Variants in PURG observed in about 807,000 individuals in gnomAD.
PURG encodes the protein purine rich element binding protein G.
A neutral mutation model predicts 24.3 loss-of-function variants in PURG; 3 were observed. That is an observed-to-expected ratio of 0.12 (90% CI 0.06 to 0.32). The LOEUF (loss-of-function observed/expected upper bound fraction) is 0.32, where lower values mean the gene tolerates loss of function less well. PURG is among the 10% of genes least tolerant of loss of function. PURG has a pLI of 1.00. For synonymous variants in PURG, 180 were observed against 173.1 expected (o/e 1.04, Z -0.31); for missense variants, 371 against 439.1 (o/e 0.84, Z 1.39).
chr8:31,001,462 G>C (rs1430586539), intron 1 of PURG, among the ~76,000 whole-genome samples: 1 of 152,182 alleles, frequency 6.6e-6, no homozygotes, highest in Non-Finnish European at 1.5e-5. Context: ...CAGGTGCACA[G>C]GTTTATAATG....
At chr8:31,002,304 C>G (rs187888269) in intron 1 of PURG, among the ~76,000 whole-genome samples, 1 of 152,074 alleles carries the variant, frequency 6.6e-6, no homozygotes, top group Non-Finnish European at 1.5e-5. Context: ...GTTATGCTAA[C>G]TGGTTCTTCC....
chr8:31,003,578 A>G (rs938054276), intron 1 of PURG, among the ~76,000 whole-genome samples: 1 of 152,118 alleles, frequency 6.6e-6, no homozygotes. Flanking sequence ...CCTGGCCAAC[A>G]TGGCAAAACC....
At position 31,032,043 on chromosome 8, in the gene PURG, T is replaced by A. The variant is rs113193871; in HGVS notation, c.740A>T (p.Asp247Val). The change falls in exon 2 of 2, where the codon GAC becomes GTC. Residue 247 changes from aspartate to valine, a missense_variant. Asp to Val is a radical substitution (Grantham distance 152, BLOSUM62 -3). This residue lies in a region of PURG where 103 missense variants were observed against 127.7 expected (regional missense o/e 0.81). Transcript: ENST00000523392. The surrounding 1 kb of genome is among the most constrained non-coding windows in gnomAD (Gnocchi z 5.9). ...VQLIEDYGEG[D>V]IEERRGGDDD... Reference sequence around the variant, plus strand: ...GTCTCCACCTCTTCGTTCTTCTATGTCTCCTTCGCCATAGTCTTCAATCAG... The same window carrying A: ...GTCTCCACCTCTTCGTTCTTCTATGACTCCTTCGCCATAGTCTTCAATCAG... 6.2e-7 allele frequency: 1 copy of A among 1,614,142 alleles called. No individual in the cohort carries two copies. The highest frequency in any genetic ancestry group is 1.3e-5 in the African/African-American group (1 of 75,020).
chr8:31,017,428 A>G (rs868549048), intron 1 of PURG, among the ~76,000 whole-genome samples: 3 of 139,630 alleles, frequency 2.1e-5, no homozygotes, highest in South Asian at 2.3e-4. Context: ...CTATATCTAT[A>G]TCTATCTATT....
chr8:30,998,713 T>C (rs1342000049), intron 1 of PURG, among the ~76,000 whole-genome samples: 4 of 151,848 alleles, frequency 2.6e-5, no homozygotes, highest in Non-Finnish European at 5.9e-5. Context: ...TTCTGAACAA[T>C]ATAGTTTATG....
chr8:31,024,232 C>T (rs1005029379), intron 1 of PURG, among the ~76,000 whole-genome samples: 2 of 152,102 alleles, frequency 1.3e-5, no homozygotes, highest in Non-Finnish European at 2.9e-5. Context: ...GTTGCTGCAT[C>T]ATTATAGTTG....
At chr8:31,019,115 C>T (rs1810929982) in intron 1 of PURG, among the ~76,000 whole-genome samples, 1 of 75,058 alleles carries the variant, frequency 1.3e-5, no homozygotes, top group Admixed American at 2.5e-4. Context: ...CAGAGCGAGA[C>T]TCTGTCTCAA....
At chr8:31,024,737 G>A (rs1393805739) in intron 1 of PURG, among the ~76,000 whole-genome samples, 1 of 151,944 alleles carries the variant, frequency 6.6e-6, no homozygotes, top group African/African-American at 2.4e-5. Context: ...TCTGATAAAA[G>A]TAATCCTGAC....
downstream of PURG, among the ~76,000 whole-genome samples, chr8:31,027,970 TTAAA>T (rs1554513571): frequency 3.3e-5 from 5 of 151,774 alleles, no homozygotes; most frequent in Non-Finnish European, 7.4e-5. Context: ...TGAATGTTCT[TTAAA>T]TAATGCCACA....
intron 1 of PURG, among the ~76,000 whole-genome samples, chr8:31,023,523 C>T (rs184960614): frequency 1.4e-5 from 2 of 146,170 alleles, no homozygotes; most frequent in Admixed American, 6.9e-5. Context: ...CCAGCCTGGG[C>T]GATAGAGTGA....
intron 1 of PURG, among the ~76,000 whole-genome samples, chr8:30,999,637 C>T (rs930878450): frequency 2.6e-5 from 4 of 151,854 alleles, no homozygotes; most frequent in Non-Finnish European, 5.9e-5. Context: ...CATTCCTTTG[C>T]CAAAGTGCCA....
At chr8:31,027,840 A>C (rs1353188864), downstream of PURG, among the ~76,000 whole-genome samples, 1 of 151,670 alleles carries the variant, frequency 6.6e-6, no homozygotes, top group South Asian at 2.1e-4. Flanking sequence ...TAAATCCCCC[A>C]ATACCCTTTT....
intron 1 of PURG, among the ~76,000 whole-genome samples, chr8:30,998,213 C>T (rs973287852): frequency 2.0e-5 from 3 of 151,638 alleles, no homozygotes; most frequent in African/African-American, 7.3e-5. Context: ...ATCACATATA[C>T]TTTTGTTATT....
chr8:31,019,647 C>CT (rs1240176776), intron 1 of PURG, among the ~76,000 whole-genome samples: 1,066 of 144,706 alleles, frequency 7.4e-3, no homozygotes, highest in African/African-American at 0.016. Context: ...TCTCTTTTTT[C>CT]TTTTTTTTTT....
intron 1 of PURG, among the ~76,000 whole-genome samples, chr8:31,004,407 T>A (rs1051457006): frequency 6.6e-6 from 1 of 151,964 alleles, no homozygotes; most frequent in African/African-American, 2.4e-5. Flanking sequence ...ACAAGAAAAA[T>A]ATCCTTGGCT....
At chr8:31,020,226 T>C (rs1374834890) in intron 1 of PURG, among the ~76,000 whole-genome samples, 1 of 152,220 alleles carries the variant, frequency 6.6e-6, no homozygotes, top group Admixed American at 6.5e-5. Flanking sequence ...GAAATTAGTA[T>C]ATTTCTCACC....
At chr8:31,000,184 T>C (rs936528085) in intron 1 of PURG, among the ~76,000 whole-genome samples, 2 of 152,126 alleles carry the variant, frequency 1.3e-5, no homozygotes, top group Non-Finnish European at 2.9e-5. Flanking sequence ...CATGCTTCTA[T>C]TTCTTTACTC....
chr8:31,003,677 G>A (rs955541216), intron 1 of PURG, among the ~76,000 whole-genome samples: 3 of 151,924 alleles, frequency 2.0e-5, no homozygotes, highest in Non-Finnish European at 2.9e-5. Flanking sequence ...CAAAAGAATC[G>A]CTTGAACCTG....
chr8:31,003,571 G>C (rs1044281387), intron 1 of PURG, among the ~76,000 whole-genome samples: 1 of 152,062 alleles, frequency 6.6e-6, no homozygotes, highest in Non-Finnish European at 1.5e-5. Context: ...AGACCAGCCT[G>C]GCCAACATGG....
Sources: allele counts gnomAD v4.1 joint callset (sites outside exome capture counted in the v4.1 genomes callset), GRCh38; gene constraint gnomAD v4.1.1; regional missense constraint gnomAD v4.1.1; non-coding constraint Gnocchi (gnomAD v3.1); transcripts MANE v1.5; gene names NCBI Gene and HGNC (gene_info 2026-07-23, HGNC 2026-07-21).